The following SUSD4 variants were observed in gnomAD, a reference collection of about 807,000 sequenced individuals.
SUSD4 encodes the protein sushi domain containing 4, also known as sushi domain-containing protein 4.
SUSD4 carries 41 observed loss-of-function variants against 50.5 expected under a neutral mutation model. That is an observed-to-expected ratio of 0.81 (90% CI 0.63 to 1.05). The LOEUF (loss-of-function observed/expected upper bound fraction) is 1.05. Ranked by LOEUF, SUSD4 falls within the 50% of genes least tolerant of loss-of-function variation. SUSD4 has a pLI of 0.00. For missense variants in SUSD4, 580 were observed against 634.7 expected (o/e 0.91, Z 0.93); for synonymous variants, 257 against 257.3 (o/e 1.00, Z 0.01).
At chr1:223,226,028 CA>C (rs1319265474) in intron 7 of SUSD4, among the ~76,000 whole-genome samples, 1 of 152,168 alleles carries the variant, frequency 6.6e-6, no homozygotes, top group Non-Finnish European at 1.5e-5. Flanking sequence ...GAAAGGGTTT[CA>C]AGAACATTTT....
rs2102986989 is a variant in SUSD4, at chr1:223,223,288, C to T, written c.1405G>A (p.Glu469Lys). Residue 469 changes from glutamate to lysine, a missense_variant, in exon 8 of 9, where the codon GAG (glutamate) becomes AAG (lysine). Coordinates refer to ENST00000366878, the MANE Select transcript of SUSD4 (RefSeq NM_017982.4). ...NPDIIASTAE[E>K]VASTSPGIDI... The stretch of plus-strand genomic sequence containing the variant: ...ATGCCTGGGCTGGTGGATGCCACCT[C>T]CTCTGCCGTGCTGGCAATTATGTCA... 5 of 1,573,478 alleles carry T rather than the reference C, an allele frequency of 3.2e-6. No individual in the cohort carries two copies. Among genetic ancestry groups the T allele is most frequent in the South Asian group, 2.4e-5 (2 of 83,056 alleles).
chr1:223,231,681 G>A lies in SUSD4; in HGVS notation c.725-2293C>T, dbSNP rs1207986728. 6.6e-6 allele frequency among the ~76,000 whole-genome samples: 1 copy of A among 152,230 alleles called. No homozygotes were observed. Among genetic ancestry groups the A allele is most frequent in the Non-Finnish European group, 1.5e-5 (1 of 68,044 alleles). On this transcript the variant is annotated intron_variant, in intron 5 of 8. Transcript: ENST00000366878. The surrounding 1 kb of genome is among the most constrained non-coding windows in gnomAD (Gnocchi z 4.2). ...CTGGCCACGTTGTTGAACTGGTCCT[G>A]GGAGATCCAGGGATGTGGCCGTAAG...
At chr1:223,327,788 A>C (rs1253997611) in intron 2 of SUSD4, among the ~76,000 whole-genome samples, 1 of 152,234 alleles carries the variant, frequency 6.6e-6, no homozygotes, top group Non-Finnish European at 1.5e-5. Flanking sequence ...CCATCTGCCT[A>C]ACCCTATCAC....
chr1:223,283,200 G>A (rs1023328594), intron 3 of SUSD4, among the ~76,000 whole-genome samples: 1 of 152,148 alleles, frequency 6.6e-6, no homozygotes, highest in Non-Finnish European at 1.5e-5. Flanking sequence ...AACACCAAAA[G>A]CAATGGTAAC....
At chr1:223,299,216 T>C (rs888936563) in intron 2 of SUSD4, among the ~76,000 whole-genome samples, 2 of 152,192 alleles carry the variant, frequency 1.3e-5, no homozygotes, top group Non-Finnish European at 2.9e-5. Flanking sequence ...AAATAACATA[T>C]CCATTAAGGA....
intron 2 of SUSD4, among the ~76,000 whole-genome samples, chr1:223,355,998 GGA>G (rs1668644006): frequency 6.6e-6 from 1 of 152,104 alleles, no homozygotes; most frequent in South Asian, 2.1e-4. Flanking sequence ...GTTACACAGG[GGA>G]GAGTCATCTA....
chr1:223,260,664 C>T (rs1165483297), intron 5 of SUSD4, among the ~76,000 whole-genome samples: 1 of 152,224 alleles, frequency 6.6e-6, no homozygotes, highest in African/African-American at 2.4e-5. Context: ...AGCCATCATT[C>T]TGGTTCAATG....
At chr1:223,309,803 T>C (rs1250596553) in intron 2 of SUSD4, among the ~76,000 whole-genome samples, 1 of 152,184 alleles carries the variant, frequency 6.6e-6, no homozygotes, top group East Asian at 1.9e-4. Context: ...CATCCTGACA[T>C]ATCTTTGACT....
At chr1:223,310,618 C>A (rs1453162567) in intron 2 of SUSD4, among the ~76,000 whole-genome samples, 1 of 152,066 alleles carries the variant, frequency 6.6e-6, no homozygotes, top group African/African-American at 2.4e-5. Context: ...AACAAATATA[C>A]CTAAATATTA....
chr1:223,224,977 C>T (rs1659416330), intron 7 of SUSD4, among the ~76,000 whole-genome samples: 1 of 146,300 alleles, frequency 6.8e-6, no homozygotes, highest in African/African-American at 2.5e-5. Flanking sequence ...TCATGCGATT[C>T]TCCTGCCTCA....
rs146368073 is a variant in SUSD4, at chr1:223,349,374, G to A, written c.148+13904C>T. Among the ~76,000 whole-genome samples, 835 of 152,268 alleles carry A rather than the reference G, an allele frequency of 5.5e-3. 6 individuals carry two copies. Among genetic ancestry groups the A allele is most frequent in the African/African-American group, 0.019 (775 of 41,536 alleles). ...TGACCTAAACCAGGGTGGGCTCAGCGGATGGCCTGGGGCACCACTTGCAAT... is the reference window on the plus strand; with the variant it reads ...TGACCTAAACCAGGGTGGGCTCAGCAGATGGCCTGGGGCACCACTTGCAAT... On this transcript the variant is annotated intron_variant, in intron 2 of 8. Coordinates refer to ENST00000366878, the MANE Select transcript of SUSD4 (RefSeq NM_017982.4).
chr1:223,348,318 A>G (rs1197486297), intron 2 of SUSD4, among the ~76,000 whole-genome samples: 1 of 152,016 alleles, frequency 6.6e-6, no homozygotes, highest in Non-Finnish European at 1.5e-5. Flanking sequence ...ATAAACATGA[A>G]TTTTTTTCCA....
At chr1:223,273,985 T>C (rs1228891318) in intron 3 of SUSD4, among the ~76,000 whole-genome samples, 1 of 152,176 alleles carries the variant, frequency 6.6e-6, no homozygotes, top group East Asian at 1.9e-4. Flanking sequence ...TAGTGAATTT[T>C]TGAACCTGAT....
intron 2 of SUSD4, among the ~76,000 whole-genome samples, chr1:223,319,140 T>C: frequency 3.5e-5 from 2 of 57,894 alleles, no homozygotes; most frequent in African/African-American, 7.0e-5. Context: ...TTACACCTTA[T>C]ACAAAAATCA....
At chr1:223,363,211 T>C (rs1055578617) in intron 2 of SUSD4, 67 bp downstream of exon 2, 28 of 1,428,846 alleles carry the variant, frequency 2.0e-5, no homozygotes, top group Non-Finnish European at 2.6e-5. Flanking sequence ...AGGGCTGTCC[T>C]GGCAGCTAGG....
chr1:223,279,000 G>A (rs1663491922), intron 3 of SUSD4, among the ~76,000 whole-genome samples: 2 of 152,194 alleles, frequency 1.3e-5, no homozygotes, highest in African/African-American at 2.4e-5. Context: ...ACCTGTAGCT[G>A]TTAGAAGGGT....
At chr1:223,280,279 G>T (rs550335406) in intron 3 of SUSD4, among the ~76,000 whole-genome samples, 9 of 152,212 alleles carry the variant, frequency 5.9e-5, no homozygotes, top group African/African-American at 2.2e-4. Context: ...CCAATTAAAA[G>T]ACACAGACTG....
intron 7 of SUSD4, among the ~76,000 whole-genome samples, chr1:223,225,589 T>C (rs1659464513): frequency 6.6e-6 from 1 of 151,892 alleles, no homozygotes; most frequent in African/African-American, 2.4e-5. Context: ...CAGTAGTTAC[T>C]GCTTCCTTGA....
rs530952489 is a variant in SUSD4, at chr1:223,239,492, T to C, written c.725-10104A>G. On this transcript the variant is annotated intron_variant, in intron 5 of 8. Coordinates refer to ENST00000366878, the MANE Select transcript of SUSD4 (RefSeq NM_017982.4). Reference sequence around the variant, plus strand: ...TTGAGCATTTTATCTGATTACATTTTCTCTCCTGTCTTAGCATATCAGCTA... The same window carrying C: ...TTGAGCATTTTATCTGATTACATTTCCTCTCCTGTCTTAGCATATCAGCTA... Among the ~76,000 whole-genome samples the C allele has an allele frequency of 2.3e-3, 348 of 152,248 alleles. 1 individual carries two copies. The highest frequency in any genetic ancestry group is 0.017 in the Middle Eastern group (5 of 294).
Sources: gnomAD v4.1 joint callset for allele counts (sites outside exome capture counted in the v4.1 genomes callset) on GRCh38, gnomAD v4.1.1 for gene constraint, Gnocchi (gnomAD v3.1) non-coding constraint, MANE v1.5 for transcripts, NCBI Gene and HGNC (gene_info 2026-07-23, HGNC 2026-07-21) for gene names.